KLF12: variants seen among roughly 807,000 people sequenced by gnomAD.
The protein encoded by KLF12 is KLF transcription factor 12.
KLF12 carries 9 observed loss-of-function variants against 37.8 expected under a neutral mutation model. That is an observed-to-expected ratio of 0.24 (90% CI 0.14 to 0.42). The LOEUF (loss-of-function observed/expected upper bound fraction) is 0.42. Ranked by LOEUF, KLF12 falls within the 10% of genes least tolerant of loss-of-function variation. The pLI is 1.00. For synonymous variants in KLF12, 208 were observed against 202.1 expected, an observed-to-expected ratio of 1.03 and a Z score of -0.25; for missense variants, 411 against 516.0, an observed-to-expected ratio of 0.80 and a Z score of 1.97.
At chr13:73,857,714 A>G (rs1885679128) in intron 3 of KLF12, among the ~76,000 whole-genome samples, 2 of 152,312 alleles carry the variant, frequency 1.3e-5, no homozygotes, top group South Asian at 4.1e-4. Context: ...ATGGACATAA[A>G]AGCAATCAAG....
intron 1 of KLF12, among the ~76,000 whole-genome samples, chr13:74,129,469 G>A (rs1006650688): frequency 6.6e-6 from 1 of 152,158 alleles, no homozygotes; most frequent in Admixed American, 6.5e-5. Flanking sequence ...AGTTATCGTG[G>A]TAGCTTCTAC....
At chr13:74,134,999 C>T (rs1018244426), upstream of KLF12, among the ~76,000 whole-genome samples, 2 of 151,488 alleles carry the variant, frequency 1.3e-5, no homozygotes, top group Admixed American at 1.3e-4. Flanking sequence ...GCATCGCCCG[C>T]GCCGGGCAAC....
rs9565078 is a variant in KLF12 at position 74,119,204 on chromosome 13, G to T, written c.-32+14535C>A. Reference sequence around the variant, plus strand: ...AAAAATTATCCAGGTGTGGTGGCACGTGCCTGTAATCCCAGATACTTGGGA... The same window carrying T: ...AAAAATTATCCAGGTGTGGTGGCACTTGCCTGTAATCCCAGATACTTGGGA... On this transcript the variant is annotated intron_variant, in intron 1 of 7. Coordinates refer to ENST00000377669, the MANE Select transcript of KLF12 (RefSeq NM_007249.5). Among the ~76,000 whole-genome samples, 4 of 151,824 alleles carry T rather than the reference G, an allele frequency of 2.6e-5. No homozygotes were observed. In the South Asian group the frequency reaches 8.3e-4, roughly 32 times the overall value.
chr13:73,894,612 A>G (rs1244641846), intron 3 of KLF12, among the ~76,000 whole-genome samples: 3 of 152,230 alleles, frequency 2.0e-5, no homozygotes, highest in South Asian at 4.1e-4. Flanking sequence ...TGAGGTATTC[A>G]ATCAATTTCT....
At chr13:73,907,925 C>T (rs779690884) in intron 3 of KLF12, among the ~76,000 whole-genome samples, 17 of 152,158 alleles carry the variant, frequency 1.1e-4, no homozygotes, top group Non-Finnish European at 2.1e-4. Context: ...CTGCCTCAGA[C>T]ACAATGCCTT....
intron 1 of KLF12, among the ~76,000 whole-genome samples, chr13:74,085,454 T>C (rs1272664569): frequency 6.6e-6 from 1 of 152,216 alleles, no homozygotes; most frequent in African/African-American, 2.4e-5. Context: ...GCACTTGTTA[T>C]GTATGAGACA....
In KLF12 at chr13:73,687,023, A is replaced by G. The variant is rs755952925; in HGVS notation, c.*8467T>C. On this transcript the variant is annotated 3_prime_UTR_variant, in exon 8 of 8. Coordinates refer to ENST00000377669, the MANE Select transcript of KLF12 (RefSeq NM_007249.5). ...CCCCCACACACCAAGAACAACGTCT[A>G]GACTACTACTAATTATAACTAAGTC... 6.6e-6 allele frequency: 1 copy of G among 152,602 alleles called. No individual in the cohort carries two copies. Among genetic ancestry groups the G allele is most frequent in the Non-Finnish European group, 1.5e-5 (1 of 68,016 alleles). The allele number at this position is 152,602 out of a possible 1,614,324, so 9.5% of individuals were successfully genotyped here.
intron 3 of KLF12, among the ~76,000 whole-genome samples, chr13:73,916,243 ACACG>A (rs1321012230): frequency 6.7e-4 from 21 of 31,122 alleles, no homozygotes; most frequent in Admixed American, 6.5e-3. Flanking sequence ...ACACACACGC[ACACG>A]CACACACACA....
chr13:73,711,526 G>A (rs1875396791), intron 7 of KLF12, among the ~76,000 whole-genome samples: 1 of 152,116 alleles, frequency 6.6e-6, no homozygotes, highest in African/African-American at 2.4e-5. Context: ...TGCTAAATCT[G>A]CTTGTGCTGT....
chr13:73,705,415 A>G (rs532327019), intron 7 of KLF12, among the ~76,000 whole-genome samples: 139 of 152,306 alleles, frequency 9.1e-4, no homozygotes, highest in Non-Finnish European at 1.7e-3. Flanking sequence ...CTGGTACTAC[A>G]GGTGTACACC....
At chr13:73,930,286 T>C (rs772910541) in intron 3 of KLF12, among the ~76,000 whole-genome samples, 3 of 152,166 alleles carry the variant, frequency 2.0e-5, no homozygotes, top group Non-Finnish European at 4.4e-5. Flanking sequence ...AACGCAAATA[T>C]CTATTAAATA....
chr13:73,717,051 T>C (rs1319690648), intron 6 of KLF12, among the ~76,000 whole-genome samples: 1 of 152,210 alleles, frequency 6.6e-6, no homozygotes, highest in Non-Finnish European at 1.5e-5. Context: ...ATATTTTATT[T>C]CAACACCGAG....
intron 2 of KLF12, among the ~76,000 whole-genome samples, chr13:73,964,930 C>T (rs1304239251): frequency 3.9e-5 from 6 of 152,112 alleles, no homozygotes; most frequent in Non-Finnish European, 8.8e-5. Flanking sequence ...AAGCCAAAGA[C>T]AAAACAGGAC....
Position 74,060,484 on chromosome 13 carries a change from TTGTGTG to T in KLF12, c.-31-65437_-31-65432del, listed in dbSNP as rs60242793. Among the ~76,000 whole-genome samples, 612 of 108,616 alleles carry T rather than the reference TTGTGTG, an allele frequency of 5.6e-3. 12 individuals are homozygous for T. Among genetic ancestry groups the T allele is most frequent in the South Asian group, 0.032 (111 of 3,504 alleles). The allele number at this position is 108,616 out of a possible 152,430, so 71.3% of individuals were successfully genotyped here. A position where few individuals can be genotyped will look rare whatever the true frequency, so the allele number is the denominator to read the frequency against. On this transcript the variant is annotated intron_variant, in intron 1 of 7. Transcript: ENST00000377669. ...CCGTGGTTAAATGTATACCTAGGTT[TTGTGTG>T]TGTGTGTGTGTGTGTGTGTGTGTGT...
At chr13:73,933,939 T>C (rs972247097) in intron 3 of KLF12, among the ~76,000 whole-genome samples, 3 of 152,200 alleles carry the variant, frequency 2.0e-5, no homozygotes, top group Non-Finnish European at 4.4e-5. Context: ...GTATAACAGA[T>C]GTCTAGAGCT....
At chr13:74,007,699 A>G (rs1017198264) in intron 1 of KLF12, among the ~76,000 whole-genome samples, 1 of 152,226 alleles carries the variant, frequency 6.6e-6, no homozygotes, top group African/African-American at 2.4e-5. Context: ...CGTGGAAAAC[A>G]TAATTCTGTA....
chr13:73,741,184 C>A (rs917045239), intron 6 of KLF12, among the ~76,000 whole-genome samples: 2 of 152,154 alleles, frequency 1.3e-5, no homozygotes, highest in Non-Finnish European at 1.5e-5. Flanking sequence ...AATTTGACTG[C>A]ATCTTATAGG....
At chr13:73,847,323 C>T (rs1885083943) in intron 3 of KLF12, among the ~76,000 whole-genome samples, 1 of 152,042 alleles carries the variant, frequency 6.6e-6, no homozygotes, top group Non-Finnish European at 1.5e-5. Context: ...ACATTATTTT[C>T]CCATTTATGA....
intron 1 of KLF12, among the ~76,000 whole-genome samples, chr13:74,026,183 G>C: frequency 6.6e-6 from 1 of 150,486 alleles, no homozygotes; most frequent in East Asian, 1.9e-4. Context: ...CTTTACCTTG[G>C]AGGAAAACTG....
Sources: gnomAD v4.1 joint callset for allele counts (sites outside exome capture counted in the v4.1 genomes callset) on GRCh38, gnomAD v4.1.1 for gene constraint, MANE v1.5 for transcripts, NCBI Gene and HGNC (gene_info 2026-07-23, HGNC 2026-07-21) for gene names.